Variants in FGF14 observed in about 807,000 individuals in gnomAD.
FGF14 encodes the protein fibroblast growth factor 14.
Under a neutral mutation model 25.5 loss-of-function variants are expected in FGF14, and 5 were observed. That is an observed-to-expected ratio of 0.20 (90% CI 0.10 to 0.41). FGF14 has a LOEUF of 0.41. FGF14 is among the 10% of genes least tolerant of loss of function. FGF14 has a pLI of 1.00. For synonymous variants in FGF14, 138 were observed against 118.3 expected (o/e 1.17, Z -1.08); for missense variants, 222 against 320.1 (o/e 0.69, Z 2.34).
At chr13:101,954,062 A>G (rs969163275) in intron 1 of FGF14, among the ~76,000 whole-genome samples, 1 of 152,226 alleles carries the variant, frequency 6.6e-6, no homozygotes, top group Non-Finnish European at 1.5e-5. Flanking sequence ...TGGGCTTGAC[A>G]GAAAACTGTC....
At chr13:102,094,516 A>G (rs1045274071) in intron 1 of FGF14, among the ~76,000 whole-genome samples, 1 of 152,168 alleles carries the variant, frequency 6.6e-6, no homozygotes, top group Non-Finnish European at 1.5e-5. Flanking sequence ...GGGGCAGGGA[A>G]TCCACAAAGG....
intron 3 of FGF14, among the ~76,000 whole-genome samples, chr13:101,803,805 A>G (rs1224498276): frequency 6.6e-6 from 1 of 152,162 alleles, no homozygotes; most frequent in Non-Finnish European, 1.5e-5. Flanking sequence ...TTTTGGGCGG[A>G]AGGACACGAA....
At chr13:102,283,909 T>A (rs1398548661) in intron 1 of FGF14, among the ~76,000 whole-genome samples, 1 of 152,228 alleles carries the variant, frequency 6.6e-6, no homozygotes, top group Non-Finnish European at 1.5e-5. Context: ...ACTGCAGTAT[T>A]GTTGTGGGGT....
chr13:102,336,621 T>G (rs2056796011), intron 1 of FGF14, among the ~76,000 whole-genome samples: 1 of 152,160 alleles, frequency 6.6e-6, no homozygotes, highest in Non-Finnish European at 1.5e-5. Flanking sequence ...TTAATGTATA[T>G]GAAACAGCCA....
chr13:101,733,025 C>A (rs372034639), intron 3 of FGF14, among the ~76,000 whole-genome samples: 10 of 152,182 alleles, frequency 6.6e-5, no homozygotes, highest in African/African-American at 1.4e-4. Flanking sequence ...CTAACCACTT[C>A]TTTAAAACAA....
chr13:101,916,021 A>C (rs1283170753), intron 1 of FGF14, among the ~76,000 whole-genome samples: 1 of 152,170 alleles, frequency 6.6e-6, no homozygotes, highest in East Asian at 1.9e-4. Context: ...GACCCCAGAG[A>C]CCAAGTGAGG....
intron 1 of FGF14, among the ~76,000 whole-genome samples, chr13:102,141,410 C>T (rs1165356342): frequency 6.6e-6 from 1 of 152,154 alleles, no homozygotes; most frequent in Non-Finnish European, 1.5e-5. Context: ...TCTAGTGATA[C>T]TTATCAGTAC....
intron 1 of FGF14, among the ~76,000 whole-genome samples, chr13:102,268,928 G>A (rs1402402159): frequency 1.3e-5 from 2 of 152,176 alleles, no homozygotes; most frequent in African/African-American, 2.4e-5. Context: ...TTACTGAGAA[G>A]ATAGAGATGT....
At chr13:102,120,270 G>A (rs942932155) in intron 1 of FGF14, among the ~76,000 whole-genome samples, 8 of 152,144 alleles carry the variant, frequency 5.3e-5, no homozygotes, top group African/African-American at 1.7e-4. Context: ...AAACAAAGCC[G>A]TAAACAACTC....
intron 1 of FGF14, among the ~76,000 whole-genome samples, chr13:102,302,612 T>C (rs1233850461): frequency 2.6e-5 from 4 of 152,158 alleles, no homozygotes; most frequent in Non-Finnish European, 5.9e-5. Context: ...TCTTAAATGT[T>C]GCATGTCTGA....
At chr13:101,848,301 A>T (rs1484105584) in intron 3 of FGF14, among the ~76,000 whole-genome samples, 11 of 151,956 alleles carry the variant, frequency 7.2e-5, no homozygotes, top group Admixed American at 3.9e-4. Flanking sequence ...AAGAGGAAAT[A>T]AAAAAAATTA....
chr13:102,293,799 G>T (rs1227482113), intron 1 of FGF14: 1 of 152,160 alleles, frequency 6.6e-6, no homozygotes, highest in Non-Finnish European at 1.5e-5. Context: ...ACAATGGCTG[G>T]AAATTCTGTC....
At chr13:102,012,317 T>C (rs776387406) in intron 1 of FGF14, among the ~76,000 whole-genome samples, 7 of 152,192 alleles carry the variant, frequency 4.6e-5, no homozygotes, top group Non-Finnish European at 8.8e-5. Flanking sequence ...ACTCCTGTGC[T>C]TGAGTCTGGA....
intron 1 of FGF14, among the ~76,000 whole-genome samples, chr13:102,163,346 T>C (rs1056288098): frequency 1.3e-5 from 2 of 152,124 alleles, no homozygotes; most frequent in Non-Finnish European, 2.9e-5. Flanking sequence ...GAAGAGGGGT[T>C]TTCCTACTTC....
chr13:102,364,906 T>G (rs1361657134), intron 1 of FGF14, among the ~76,000 whole-genome samples: 1 of 152,232 alleles, frequency 6.6e-6, no homozygotes, highest in Non-Finnish European at 1.5e-5. Flanking sequence ...TGCTTAGTCA[T>G]AACATCCATG....
intron 3 of FGF14, among the ~76,000 whole-genome samples, chr13:101,798,687 A>AT (rs2040699174): frequency 6.6e-6 from 1 of 152,092 alleles, no homozygotes; most frequent in Non-Finnish European, 1.5e-5. Flanking sequence ...GCGAGTTGCC[A>AT]TTTTAAGGGC....
intron 3 of FGF14, among the ~76,000 whole-genome samples, chr13:101,749,252 C>G (rs573105803): frequency 6.6e-6 from 1 of 151,924 alleles, no homozygotes; most frequent in Non-Finnish European, 1.5e-5. Context: ...ATATACCGAA[C>G]AGTATTCAAG....
At chr13:102,184,082 A>G (rs2048784410) in intron 1 of FGF14, among the ~76,000 whole-genome samples, 1 of 152,176 alleles carries the variant, frequency 6.6e-6, no homozygotes, top group South Asian at 2.1e-4. Context: ...ACTGAGTTCC[A>G]GTCACTCAGG....
At chr13:102,094,008 A>G (rs2044282525) in intron 1 of FGF14, among the ~76,000 whole-genome samples, 1 of 150,854 alleles carries the variant, frequency 6.6e-6, no homozygotes, top group Non-Finnish European at 1.5e-5. Flanking sequence ...ATGATTCAAG[A>G]AAAAGCAAAG....
Sources: gnomAD v4.1 joint callset for allele counts (sites outside exome capture counted in the v4.1 genomes callset) on GRCh38, gnomAD v4.1.1 for gene constraint, MANE v1.5 for transcripts, NCBI Gene and HGNC (gene_info 2026-07-23, HGNC 2026-07-21) for gene names.